AKR1C3: variants seen among roughly 807,000 people sequenced by gnomAD.
AKR1C3 encodes aldo-keto reductase family 1 member C3.
A neutral mutation model predicts 43.6 loss-of-function variants in AKR1C3; 48 were observed. The observed-to-expected ratio is 1.10, with a 90% CI of 0.87 to 1.40. AKR1C3 has a LOEUF of 1.40. Among genes scored for constraint, AKR1C3 ranks in the 40% most tolerant of loss-of-function variants. The pLI is 0.00. For missense variants in AKR1C3, 482 were observed against 391.2 expected (o/e 1.23, Z -1.96); for synonymous variants, 162 against 139.6 (o/e 1.16, Z -1.13).
chr10:5,107,470 C>A lies in AKR1C3; in HGVS notation c.939C>A (p.Ser313Arg). ...LHYFNSDSFA[S>R]HPNYPYSDEY ...ATTATTCTCTTTTCAGTTTTGCTAG[C>A]CACCCTAATTATCCATATTCAGATG... Residue 313 changes from serine to arginine, a missense_variant, in exon 9 of 9, where the codon AGC (serine) becomes AGA (arginine). Ser to Arg is a moderately radical substitution (Grantham distance 110, BLOSUM62 -1). Coordinates refer to ENST00000380554, the MANE Select transcript of AKR1C3 (RefSeq NM_003739.6). 9 of 1,580,514 alleles carry A rather than the reference C, an allele frequency of 5.7e-6. No homozygotes were observed. The highest frequency in any genetic ancestry group is 7.8e-6 in the Non-Finnish European group (9 of 1,149,894).
intron 7 of AKR1C3, chr10:5,105,324 A>T (rs1487360702): frequency 1.6e-4 from 30 of 184,466 alleles, no homozygotes; most frequent in Non-Finnish European, 2.9e-4. Flanking sequence ...TCATGTGGGC[A>T]CAATGTCAGC....
Position 5,077,920 on chromosome 10 carries a change from C to T in AKR1C3, c.85-18490C>T, listed in dbSNP as rs1466032753. 3.0e-5 allele frequency: 19 copies of T among 632,906 alleles called. No individual in the cohort carries two copies. The East Asian group carries it at 3.3e-4, about 11-fold the overall frequency. 39.2% of individuals were successfully genotyped at this position (632,906 alleles called of 1,614,324 possible). On this transcript the variant is annotated intron_variant, in intron 1 of 8. Transcript: ENST00000439082. ...ATCAGAATCATCTCTTTTGAAAAAT[C>T]GATTCATCAAATGAATCTTCAGCCA...
intron 1 of AKR1C3, among the ~76,000 whole-genome samples, chr10:5,074,659 C>T (rs1564360164): frequency 6.6e-6 from 1 of 152,168 alleles, no homozygotes; most frequent in South Asian, 2.1e-4. Flanking sequence ...AAAATTCTAG[C>T]CAGGAACTGG....
intron 1 of AKR1C3, among the ~76,000 whole-genome samples, chr10:5,060,786 G>GAT (rs149897397): frequency 6.6e-5 from 10 of 151,880 alleles, no homozygotes; most frequent in South Asian, 2.1e-4. Context: ...CCACAGAGGT[G>GAT]GGGAGGCTCA....
At chr10:5,061,209 G>A (rs538691262) in intron 1 of AKR1C3, among the ~76,000 whole-genome samples, 5 of 152,330 alleles carry the variant, frequency 3.3e-5, no homozygotes, top group African/African-American at 9.6e-5. Flanking sequence ...ACCTCTCAGT[G>A]GGAGATGATG....
chr10:5,094,483 C>A lies in AKR1C3; in HGVS notation c.39C>A (p.Gly13=). The A allele has an allele frequency of 1.9e-6, 3 of 1,612,652 alleles. No individual in the cohort carries two copies. The highest frequency in any genetic ancestry group is 2.5e-6 in the Non-Finnish European group (3 of 1,178,928). The change falls in exon 1 of 9, where the codon GGC becomes GGA. Residue 13 remains glycine, a synonymous_variant. Coordinates refer to ENST00000380554, the MANE Select transcript of AKR1C3 (RefSeq NM_003739.6). The stretch of plus-strand genomic sequence containing the variant: ...ACCAGTGTGTAAAGCTAAATGATGG[C>A]CACTTCATGCCTGTATTGGGATTTG... The part of the protein sequence containing the change: ...SKHQCVKLND[G]HFMPVLGFGT...
intron 7 of AKR1C3, among the ~76,000 whole-genome samples, chr10:5,103,228 C>A (rs1839403799): frequency 6.6e-6 from 1 of 152,132 alleles, no homozygotes. Context: ...ATTAGGTGTT[C>A]TTTAGTCTAC....
intron 1 of AKR1C3, among the ~76,000 whole-genome samples, chr10:5,049,984 A>G (rs782456720): frequency 6.6e-6 from 1 of 152,142 alleles, no homozygotes; most frequent in Non-Finnish European, 1.5e-5. Context: ...TGTTTTTACT[A>G]CTGTCTAGTG....
intron 1 of AKR1C3, among the ~76,000 whole-genome samples, chr10:5,085,501 C>T (rs1484861680): frequency 6.6e-6 from 1 of 151,786 alleles, no homozygotes; most frequent in Non-Finnish European, 1.5e-5. Context: ...AGGATTTTTG[C>T]ATCGATTTCA....
intron 1 of AKR1C3, among the ~76,000 whole-genome samples, chr10:5,060,832 T>C (rs10795238): frequency 0.57 from 86,106 of 151,684 alleles, 25,380 homozygotes; most frequent in East Asian, 0.79. Context: ...CCCTGCCCTG[T>C]GGGGAGACAG....
intron 5 of AKR1C3, chr10:5,099,850 G>T (rs1299739681): frequency 5.6e-6 from 1 of 178,462 alleles, no homozygotes; most frequent in African/African-American, 2.4e-5. Flanking sequence ...TACGTGAACA[G>T]AGAGTTAGAA....
chr10:5,098,145 A>C (rs1399245660), intron 3 of AKR1C3: 1 of 986,150 alleles, frequency 1.0e-6, no homozygotes, highest in Non-Finnish European at 1.2e-6. Context: ...TTAATGCAAA[A>C]GAGTTTACTG....
chr10:5,077,289 A>T (rs1018934774), intron 1 of AKR1C3, among the ~76,000 whole-genome samples: 1 of 152,132 alleles, frequency 6.6e-6, no homozygotes, highest in East Asian at 1.9e-4. Flanking sequence ...CTGTATGGAT[A>T]CCTGAAAATG....
At position 5,063,765 on chromosome 10, in the gene AKR1C3, C is replaced by CAAAAAAAAAAAAAAAAA. The variant is rs71391987; in HGVS notation, c.84+14878_84+14894dup. Among the ~76,000 whole-genome samples, 67 of 46,426 alleles carry CAAAAAAAAAAAAAAAAA rather than the reference C, an allele frequency of 1.4e-3. 11 individuals are homozygous for CAAAAAAAAAAAAAAAAA. Among genetic ancestry groups the CAAAAAAAAAAAAAAAAA allele is most frequent in the African/African-American group, 2.3e-3 (28 of 11,990 alleles). The allele number at this position is 46,426 out of a possible 152,430, so 30.5% of individuals were successfully genotyped here. On this transcript the variant is annotated intron_variant, in intron 1 of 8. Transcript: ENST00000439082. ...AGGACAGAGGTAGTCTCTGTCTCAG[C>CAAAAAAAAAAAAAAAAA]AAAAAAAAAAAAAAAAAAAAAAAAG...
chr10:5,071,572 G>T (rs1838613191), intron 1 of AKR1C3, among the ~76,000 whole-genome samples: 1 of 152,108 alleles, frequency 6.6e-6, no homozygotes, highest in Admixed American at 6.5e-5. Flanking sequence ...AATAGGCCTC[G>T]CCTTGGTCTG....
chr10:5,056,130 A>G (rs1456361053), intron 1 of AKR1C3, among the ~76,000 whole-genome samples: 3 of 152,124 alleles, frequency 2.0e-5, no homozygotes, highest in African/African-American at 7.2e-5. Flanking sequence ...TAAATCATCC[A>G]CATATTGAAG....
chr10:5,050,408 G>T (rs993882285), intron 1 of AKR1C3, among the ~76,000 whole-genome samples: 1 of 152,198 alleles, frequency 6.6e-6, no homozygotes, highest in Non-Finnish European at 1.5e-5. Flanking sequence ...CCAACAAAAG[G>T]CATTTACTAT....
At position 5,053,864 on chromosome 10, in the gene AKR1C3, G is replaced by C. The variant is rs1011120706; in HGVS notation, c.84+4969G>C. ...AAGTTGTTAATTGAACTCATTTGGG[G>C]TTCCATTTGTAAGACCATCTGTAGC... On this transcript the variant is annotated intron_variant, in intron 1 of 8. Coordinates refer to the AKR1C3 transcript ENST00000439082. Among the ~76,000 whole-genome samples the C allele has an allele frequency of 3.3e-5, 5 of 152,106 alleles. No individual in the cohort carries two copies. In the South Asian group the frequency reaches 8.3e-4, roughly 25 times the overall value.
At chr10:5,054,491 A>G (rs560951044) in intron 1 of AKR1C3, among the ~76,000 whole-genome samples, 18 of 152,336 alleles carry the variant, frequency 1.2e-4, no homozygotes, top group African/African-American at 4.1e-4. Flanking sequence ...GTGCCTGTCC[A>G]GTTAGTGGGG....
Sources: allele counts gnomAD v4.1 joint callset (sites outside exome capture counted in the v4.1 genomes callset), GRCh38; gene constraint gnomAD v4.1.1; transcripts MANE v1.5; gene names NCBI Gene and HGNC (gene_info 2026-07-23, HGNC 2026-07-21).